ZNF483: variants seen among roughly 807,000 people sequenced by gnomAD.
ZNF483 encodes zinc finger protein HIT-10.
Under a neutral mutation model 28.6 loss-of-function variants are expected in ZNF483, and 9 were observed. The observed-to-expected ratio is 0.32, with a 90% CI of 0.19 to 0.55. The LOEUF (loss-of-function observed/expected upper bound fraction) is 0.55, where lower values mean the gene tolerates loss of function less well. Among genes scored for constraint, ZNF483 ranks in the 20% least tolerant of loss-of-function variants. The pLI, the probability that ZNF483 is intolerant of heterozygous loss-of-function variation, is 0.93. For synonymous variants in ZNF483, 322 were observed against 306.2 expected, an observed-to-expected ratio of 1.05 and a Z score of -0.54; for missense variants, 675 against 871.7, an observed-to-expected ratio of 0.77 and a Z score of 2.84.
At chr9:111,528,157 A>G in intron 2 of ZNF483, 1 of 847,322 alleles carries the variant, frequency 1.2e-6, no homozygotes. Context: ...TCACAGGCAA[A>G]TCAACCAGCT....
At chr9:111,532,028 G>C (rs1463622289) in intron 3 of ZNF483, among the ~76,000 whole-genome samples, 2 of 152,202 alleles carry the variant, frequency 1.3e-5, no homozygotes, top group East Asian at 1.9e-4. Flanking sequence ...AACATCCTTG[G>C]CTGGGTACAG....
intron 5 of ZNF483, chr9:111,576,356 C>A: frequency 6.2e-7 from 1 of 1,613,992 alleles, no homozygotes; most frequent in South Asian, 1.1e-5. Context: ...TTTCCCTGGT[C>A]ACTTGCAGAC....
chr9:111,528,552 A>G (rs1165647506), intron 2 of ZNF483, among the ~76,000 whole-genome samples: 3 of 151,988 alleles, frequency 2.0e-5, no homozygotes, highest in Non-Finnish European at 4.4e-5. Context: ...ATTTGTAGCT[A>G]TTTATGTTCT....
chr9:111,570,329 C>T, intron 5 of ZNF483: 1 of 1,430,372 alleles, frequency 7.0e-7, no homozygotes, highest in Non-Finnish European at 9.2e-7. Context: ...TTCTCCCCTT[C>T]CATTTCCTCA....
At position 111,542,585 on chromosome 9, in the gene ZNF483, C is replaced by G; in HGVS notation, c.1650C>G (p.Pro550=). ...QHQRIHTGEK[P]YTCSNCGKSF... is the part of the protein sequence containing the mutation. ...AGCGAATTCATACTGGAGAAAAACC[C>G]TATACATGTAGCAATTGTGGAAAAT... The change falls in exon 6 of 6, where the codon CCC becomes CCG. Residue 550 remains proline, a synonymous_variant. Coordinates refer to ENST00000309235, the MANE Select transcript of ZNF483 (RefSeq NM_133464.5). The surrounding 1 kb of genome is among the most constrained non-coding windows in gnomAD (Gnocchi z 6.2). 1 of 1,614,012 alleles carries G rather than the reference C, an allele frequency of 6.2e-7. No homozygotes were observed. Among genetic ancestry groups the G allele is most frequent in the South Asian group, 1.1e-5 (1 of 91,074 alleles).
At position 111,547,834 on chromosome 9, in the gene ZNF483, T is replaced by C. The variant is rs1044252311; in HGVS notation, c.*4664T>C. ...TATGGTAAAGGGTCCATCTTCATTC[T>C]TTTGCATGCGAATATCCAGTTTTCC... On this transcript the variant is annotated 3_prime_UTR_variant, in exon 6 of 6. Coordinates refer to ENST00000309235, the MANE Select transcript of ZNF483 (RefSeq NM_133464.5). 8.5e-5 allele frequency among the ~76,000 whole-genome samples: 13 copies of C among 152,204 alleles called. No homozygotes were observed. The highest frequency in any genetic ancestry group is 2.9e-4 in the African/African-American group (12 of 41,462).
chr9:111,543,516 A>G lies in ZNF483; in HGVS notation c.*346A>G. 1 of 1,022,558 alleles carries G rather than the reference A, an allele frequency of 9.8e-7. No homozygotes were observed. The highest frequency in any genetic ancestry group is 1.2e-6 in the Non-Finnish European group (1 of 854,486). 63.3% of individuals were successfully genotyped at this position (1,022,558 alleles called of 1,614,324 possible). On this transcript the variant is annotated 3_prime_UTR_variant, in exon 6 of 6. Transcript: ENST00000309235. ...AGTCACATAACTTGGATTCTGTCCC[A>G]GTTTGCCAACCAACTTGCTGTATAC...
chr9:111,532,908 CAAAAAAAAA>C (rs35437740), intron 3 of ZNF483, among the ~76,000 whole-genome samples: 3 of 84,792 alleles, frequency 3.5e-5, no homozygotes, highest in Non-Finnish European at 4.9e-5. Context: ...GACTCCGTCT[CAAAAAAAAA>C]AAAAGAAAAA....
At chr9:111,570,602 T>A (rs1204297588) in intron 5 of ZNF483, among the ~76,000 whole-genome samples, 1 of 150,838 alleles carries the variant, frequency 6.6e-6, no homozygotes, top group Non-Finnish European at 1.5e-5. Flanking sequence ...AACCCCCGTC[T>A]CTTCTAAAAA....
At chr9:111,533,008 TAG>T (rs1328906055) in intron 3 of ZNF483, among the ~76,000 whole-genome samples, 1 of 152,226 alleles carries the variant, frequency 6.6e-6, no homozygotes. Flanking sequence ...TTGTTGAACA[TAG>T]ATTCTCTGAA....
At chr9:111,574,635 C>A (rs1467157524) in intron 5 of ZNF483, 11 of 685,008 alleles carry the variant, frequency 1.6e-5, no homozygotes, top group Non-Finnish European at 2.3e-5. Context: ...ATATGAAAAT[C>A]TTTCTAATAA....
rs1461053157 is a variant in ZNF483 at position 111,549,723 on chromosome 9, A to G, written c.*6553A>G. The G allele has an allele frequency of 1.3e-6, 2 of 1,548,114 alleles. No homozygotes were observed. The highest frequency in any genetic ancestry group is 1.2e-5 in the South Asian group (1 of 83,454). ...TTTGTAAAGTGGACCCTTGCCTTCT[A>G]AGGTAATGGTGAATGATACATATTC... On this transcript the variant is annotated 3_prime_UTR_variant, in exon 6 of 6. Coordinates refer to ENST00000309235, the MANE Select transcript of ZNF483 (RefSeq NM_133464.5).
At chr9:111,561,395 C>A (rs964394286) in intron 5 of ZNF483, among the ~76,000 whole-genome samples, 1 of 152,038 alleles carries the variant, frequency 6.6e-6, no homozygotes, top group African/African-American at 2.4e-5. Flanking sequence ...CCTGCCTCAG[C>A]CTCCCAAGTA....
At chr9:111,539,341 C>G (rs947270233) in intron 5 of ZNF483, 15 of 396,842 alleles carry the variant, frequency 3.8e-5, no homozygotes, top group Admixed American at 2.1e-4. Context: ...AATATTTGAC[C>G]AGAGATAGTA....
At chr9:111,529,575 A>AG (rs1177627589) in intron 2 of ZNF483, among the ~76,000 whole-genome samples, 1 of 152,276 alleles carries the variant, frequency 6.6e-6, no homozygotes, top group Non-Finnish European at 1.5e-5. Context: ...GCTTTGTACT[A>AG]GGACTATGAA....
intron 5 of ZNF483, among the ~76,000 whole-genome samples, chr9:111,560,898 G>A (rs1459560956): frequency 1.4e-5 from 2 of 140,514 alleles, no homozygotes; most frequent in African/African-American, 2.7e-5. Context: ...AGTGGAGATC[G>A]CACCACTGCA....
Position 111,542,103 on chromosome 9 carries a change from C to G in ZNF483, c.1168C>G (p.Gln390Glu), listed in dbSNP as rs1396831662. Residue 390 changes from glutamine to glutamate, a missense_variant, in exon 6 of 6, where the codon CAA becomes GAA. This residue lies in a region of ZNF483 where 525 missense variants were observed against 581.8 expected (regional missense o/e 0.90). Coordinates refer to ENST00000309235, the MANE Select transcript of ZNF483 (RefSeq NM_133464.5). The surrounding 1 kb of genome is among the most constrained non-coding windows in gnomAD (Gnocchi z 6.2). The part of the protein sequence containing the change: ...RQKIHLGDRS[Q>E]KCSKCGIIFI... The stretch of plus-strand genomic sequence containing the variant: ...GAAGATTCATTTGGGGGATAGGTCC[C>G]AAAAATGCAGTAAGTGTGGGATAAT... The G allele has an allele frequency of 6.2e-7, 1 of 1,613,844 alleles. No individual in the cohort carries two copies. The highest frequency in any genetic ancestry group is 2.2e-5 in the East Asian group (1 of 44,868).
intron 1 of ZNF483, among the ~76,000 whole-genome samples, chr9:111,526,312 A>G (rs1827185326): frequency 6.6e-6 from 1 of 152,198 alleles, no homozygotes; most frequent in African/African-American, 2.4e-5. Context: ...TCGGGTAGCT[A>G]GAGCTCAAGA....
rs1337037270 is a variant in ZNF483 at position 111,544,925 on chromosome 9, T to G, written c.*1755T>G. On this transcript the variant is annotated 3_prime_UTR_variant, in exon 6 of 6. Transcript: ENST00000309235. ...AGAAATAAGTTCCTAAAGTTGAAAT[T>G]GTGGGCACCTCCTATAAAAAGAGAG... 6.6e-6 allele frequency among the ~76,000 whole-genome samples: 1 copy of G among 152,114 alleles called. No individual in the cohort carries two copies. The highest frequency in any genetic ancestry group is 1.5e-5 in the Non-Finnish European group (1 of 68,004).
Sources: gnomAD v4.1 joint callset for allele counts (sites outside exome capture counted in the v4.1 genomes callset) on GRCh38, gnomAD v4.1.1 for gene constraint, gnomAD v4.1.1 regional missense constraint, Gnocchi (gnomAD v3.1) non-coding constraint, MANE v1.5 for transcripts, NCBI Gene and HGNC (gene_info 2026-07-23, HGNC 2026-07-21) for gene names.